The following RAB3C variants were observed in gnomAD, a reference collection of about 807,000 sequenced individuals.
The protein encoded by RAB3C is RAB3C, member RAS oncogene family, also known as ras-related protein Rab-3C.
In RAB3C, 17 loss-of-function variants were observed where a neutral mutation model predicts 26.4. The ratio of observed to expected loss-of-function variants is 0.64; its 90% CI spans 0.44 to 0.97. The LOEUF (loss-of-function observed/expected upper bound fraction) is 0.97, where lower values mean the gene tolerates loss of function less well. Ranked by LOEUF, RAB3C falls within the 50% of genes least tolerant of loss-of-function variation. RAB3C has a pLI of 0.00. For missense variants in RAB3C, 242 were observed against 281.9 expected, an observed-to-expected ratio of 0.86 and a Z score of 1.01; for synonymous variants, 91 against 95.9, an observed-to-expected ratio of 0.95 and a Z score of 0.30.
intron 2 of RAB3C, among the ~76,000 whole-genome samples, chr5:58,635,471 C>A (rs926738822): frequency 6.6e-6 from 1 of 152,348 alleles, no homozygotes. Context: ...TCATCTGGCA[C>A]ACAGAATAGT....
Position 58,612,518 on chromosome 5 carries a change from G to GTATATATATATATA in RAB3C, c.25-5124_25-5123insATATATATATATAT, listed in dbSNP as rs1554044127. Among the ~76,000 whole-genome samples, 5 of 40,564 alleles carry GTATATATATATATA rather than the reference G, an allele frequency of 1.2e-4. 1 individual carries two copies. Among genetic ancestry groups the GTATATATATATATA allele is most frequent in the African/African-American group, 4.0e-4 (5 of 12,612 alleles). 26.6% of individuals were successfully genotyped at this position (40,564 alleles called of 152,430 possible). A position where few individuals can be genotyped will look rare whatever the true frequency, so the allele number is the denominator to read the frequency against. On this transcript the variant is annotated intron_variant, in intron 1 of 4. Transcript: ENST00000282878. ...TGTGTGTGTGTGTGTGTGTGTGTGT[G>GTATATATATATATA]TGTATATATATATATATATATATAT...
In RAB3C at chr5:58,777,696, T is replaced by C. The variant is rs574623539; in HGVS notation, c.372-47342T>C. ...GAGCCATGTTGGTGTGCTGTACCCA[T>C]TAACTCGTTATTTACATTAGGTATA... On this transcript the variant is annotated intron_variant, in intron 3 of 4. Coordinates refer to ENST00000282878, the MANE Select transcript of RAB3C (RefSeq NM_138453.4). Among the ~76,000 whole-genome samples the C allele has an allele frequency of 4.0e-5, 6 of 151,458 alleles. No homozygotes were observed. In the East Asian group the frequency reaches 1.2e-3, roughly 30 times the overall value.
intron 1 of RAB3C, among the ~76,000 whole-genome samples, chr5:58,592,032 G>A (rs1201513562): frequency 6.6e-6 from 1 of 151,590 alleles, no homozygotes; most frequent in Non-Finnish European, 1.5e-5. Flanking sequence ...CTGAGTAGCT[G>A]AAATTACAGG....
chr5:58,704,184 T>C (rs528238403), intron 2 of RAB3C, among the ~76,000 whole-genome samples: 5 of 152,336 alleles, frequency 3.3e-5, no homozygotes, highest in South Asian at 4.1e-4. Flanking sequence ...AATCTTTGCT[T>C]ATTTACTTTC....
At chr5:58,648,202 A>T (rs1747567714) in intron 2 of RAB3C, among the ~76,000 whole-genome samples, 1 of 149,754 alleles carries the variant, frequency 6.7e-6, no homozygotes, top group African/African-American at 2.5e-5. Flanking sequence ...TTAACAGAAG[A>T]CCCCAGGTTG....
intron 2 of RAB3C, among the ~76,000 whole-genome samples, chr5:58,680,658 T>G (rs1230843717): frequency 6.6e-6 from 1 of 152,186 alleles, no homozygotes; most frequent in Admixed American, 6.5e-5. Context: ...CAGGTTTCCT[T>G]GTGTTTACCC....
intron 3 of RAB3C, among the ~76,000 whole-genome samples, chr5:58,801,081 C>G (rs1742797831): frequency 6.6e-6 from 1 of 152,158 alleles, no homozygotes; most frequent in African/African-American, 2.4e-5. Context: ...ATATTACGCT[C>G]TTCATGAGGA....
chr5:58,852,665 G>A lies in RAB3C; in HGVS notation c.*1314G>A, dbSNP rs1744138406. On this transcript the variant is annotated 3_prime_UTR_variant, in exon 5 of 5. Transcript: ENST00000282878. ...ATTTTGTATCACAAACTTCCTAAAG[G>A]ACCTATATGAATAAAGAGAAAACAA... The A allele has an allele frequency of 1.3e-5, 2 of 152,064 alleles. No individual in the cohort carries two copies. The highest frequency in any genetic ancestry group is 2.9e-5 in the Non-Finnish European group (2 of 68,032). 9.4% of individuals were successfully genotyped at this position (152,064 alleles called of 1,614,324 possible).
chr5:58,798,253 A>G (rs2112023697), intron 3 of RAB3C, among the ~76,000 whole-genome samples: 1 of 152,332 alleles, frequency 6.6e-6, no homozygotes. Context: ...GATAGACTAT[A>G]AGAGGTACAG....
chr5:58,826,925 T>C (rs1055355526), intron 4 of RAB3C, among the ~76,000 whole-genome samples: 25 of 152,204 alleles, frequency 1.6e-4, no homozygotes, highest in African/African-American at 4.8e-4. Context: ...CTCTGAAAGT[T>C]TGACCATTTC....
Position 58,670,761 on chromosome 5 carries a change from T to G in RAB3C, c.252+52891T>G, listed in dbSNP as rs546301841. ...GCTTTGGATGACAGCTGGGACATTTTTATTTCATAGACTGCATAACAGAAC... is the reference window on the plus strand; with the variant it reads ...GCTTTGGATGACAGCTGGGACATTTGTATTTCATAGACTGCATAACAGAAC... On this transcript the variant is annotated intron_variant, in intron 2 of 4. Transcript: ENST00000282878. 7.9e-5 allele frequency among the ~76,000 whole-genome samples: 12 copies of G among 152,316 alleles called. No homozygotes were observed. In the East Asian group the frequency reaches 2.3e-3, roughly 29 times the overall value.
At chr5:58,684,155 G>A (rs116598750) in intron 2 of RAB3C, among the ~76,000 whole-genome samples, 10 of 152,098 alleles carry the variant, frequency 6.6e-5, no homozygotes, top group South Asian at 6.2e-4. Flanking sequence ...AAACAATACC[G>A]TATAACAACT....
chr5:58,657,248 G>A, intron 2 of RAB3C, among the ~76,000 whole-genome samples: 1 of 152,032 alleles, frequency 6.6e-6, no homozygotes. Flanking sequence ...AGAATGGGAA[G>A]GGGGTGAGGT....
upstream of RAB3C, chr5:58,583,053 G>A: frequency 6.8e-7 from 1 of 1,464,470 alleles, no homozygotes; most frequent in South Asian, 1.4e-5. Context: ...ACGCGTGTGC[G>A]GCGCCAGGAG....
At chr5:58,611,662 T>A (rs1207991151) in intron 1 of RAB3C, among the ~76,000 whole-genome samples, 1 of 152,128 alleles carries the variant, frequency 6.6e-6, no homozygotes, top group East Asian at 1.9e-4. Flanking sequence ...TTGCAAAAAA[T>A]TTTTCCTATT....
intron 1 of RAB3C, among the ~76,000 whole-genome samples, chr5:58,595,429 C>G (rs1746226862): frequency 6.6e-6 from 1 of 152,076 alleles, no homozygotes; most frequent in East Asian, 1.9e-4. Flanking sequence ...AAGACAGCAG[C>G]TGGTGGAGAG....
chr5:58,612,520 GTATATATATATATA>G lies in RAB3C; in HGVS notation c.25-5109_25-5096del, dbSNP rs200928384. Reference sequence around the variant, plus strand: ...TGTGTGTGTGTGTGTGTGTGTGTGTGTATATATATATATATATATATATATATGTATATATATAT... The same window carrying G: ...TGTGTGTGTGTGTGTGTGTGTGTGTGTATATATATATATGTATATATATAT... On this transcript the variant is annotated intron_variant, in intron 1 of 4. Coordinates refer to ENST00000282878, the MANE Select transcript of RAB3C (RefSeq NM_138453.4). 3.2e-3 allele frequency among the ~76,000 whole-genome samples: 255 copies of G among 79,126 alleles called. 2 individuals carry two copies. The highest frequency in any genetic ancestry group is 6.5e-3 in the Middle Eastern group (1 of 154). 51.9% of individuals were successfully genotyped at this position (79,126 alleles called of 152,430 possible). A position where few individuals can be genotyped will look rare whatever the true frequency, so the allele number is the denominator to read the frequency against.
chr5:58,767,522 T>C (rs1384958379), intron 3 of RAB3C, among the ~76,000 whole-genome samples: 4 of 152,210 alleles, frequency 2.6e-5, no homozygotes, highest in Non-Finnish European at 5.9e-5. Flanking sequence ...AGAGAAATAA[T>C]ACTGTACCAT....
chr5:58,741,308 C>T (rs758994903), intron 3 of RAB3C, among the ~76,000 whole-genome samples: 3 of 152,108 alleles, frequency 2.0e-5, no homozygotes, highest in East Asian at 1.9e-4. Context: ...CATGACTGAT[C>T]GAATCCTTGC....
Sources: allele counts gnomAD v4.1 joint callset (sites outside exome capture counted in the v4.1 genomes callset), GRCh38; gene constraint gnomAD v4.1.1; transcripts MANE v1.5; gene names NCBI Gene and HGNC (gene_info 2026-07-23, HGNC 2026-07-21).